The following EYS variants were observed in gnomAD, a reference collection of about 807,000 sequenced individuals.
EYS encodes the protein EGF-like photoreceptor maintenance factor.
Under a neutral mutation model 282.1 loss-of-function variants are expected in EYS, and 250 were observed. The ratio of observed to expected loss-of-function variants is 0.89; its 90% CI spans 0.80 to 0.98. The LOEUF is 0.98. Ranked by LOEUF, EYS falls within the 50% of genes least tolerant of loss-of-function variation. The pLI is 0.00. For synonymous variants in EYS, 1,355 were observed against 1,282.9 expected (o/e 1.06, Z -1.20); for missense variants, 4,016 against 3,709.0 (o/e 1.08, Z -2.15).
At chr6:65,173,138 T>A (rs1765144169) in intron 12 of EYS, among the ~76,000 whole-genome samples, 1 of 151,350 alleles carries the variant, frequency 6.6e-6, no homozygotes, top group Non-Finnish European at 1.5e-5. Context: ...GGCCTAAGAG[T>A]TGCAATGGAT....
intron 33 of EYS, among the ~76,000 whole-genome samples, chr6:64,057,396 A>T (rs200148225): frequency 0.019 from 2,877 of 149,906 alleles, 105 homozygotes; most frequent in African/African-American, 0.064. Context: ...TTTTTTTTTA[A>T]AAATAGAATG....
intron 2 of EYS, among the ~76,000 whole-genome samples, chr6:65,509,907 T>C (rs1766798576): frequency 2.0e-5 from 3 of 152,190 alleles, no homozygotes; most frequent in Admixed American, 2.0e-4. Flanking sequence ...CCTATCAGCA[T>C]CATTCTGCCT....
chr6:63,840,864 T>C (rs866322017), intron 36 of EYS, among the ~76,000 whole-genome samples: 28 of 152,188 alleles, frequency 1.8e-4, no homozygotes, highest in African/African-American at 6.5e-4. Context: ...TGAATTTATT[T>C]CTGGGGGAAT....
intron 5 of EYS, among the ~76,000 whole-genome samples, chr6:65,409,066 A>G (rs1447235421): frequency 6.6e-6 from 1 of 152,194 alleles, no homozygotes; most frequent in East Asian, 1.9e-4. Context: ...AGGGTTGAGG[A>G]ACATATATGA....
intron 35 of EYS, among the ~76,000 whole-genome samples, chr6:63,965,787 A>G (rs1473836108): frequency 6.6e-6 from 1 of 152,156 alleles, no homozygotes; most frequent in Non-Finnish European, 1.5e-5. Flanking sequence ...GGCTCATTAT[A>G]ACCAGTAGTT....
chr6:63,859,113 A>AG (rs772320030), intron 36 of EYS, among the ~76,000 whole-genome samples: 1 of 59,058 alleles, frequency 1.7e-5, no homozygotes, highest in African/African-American at 9.7e-5. Context: ...TTTTTTTTTA[A>AG]TAGCTGGGAT....
At chr6:64,852,287 G>A (rs1765910411) in intron 19 of EYS, among the ~76,000 whole-genome samples, 1 of 152,084 alleles carries the variant, frequency 6.6e-6, no homozygotes, top group Non-Finnish European at 1.5e-5. Context: ...AATCTGGGTG[G>A]GGACCATGTA....
chr6:65,289,049 G>A (rs58050121), intron 12 of EYS, among the ~76,000 whole-genome samples: 6,951 of 150,868 alleles, frequency 0.046, 218 homozygotes, highest in South Asian at 0.089. Context: ...AACAAATAGT[G>A]TTGGCATATA....
intron 28 of EYS, among the ~76,000 whole-genome samples, chr6:64,402,272 G>C (rs1232309417): frequency 1.3e-5 from 2 of 152,046 alleles, no homozygotes; most frequent in African/African-American, 4.8e-5. Context: ...TTATGTGATT[G>C]TATGATATTT....
At chr6:64,222,946 A>T (rs1416020022) in intron 31 of EYS, among the ~76,000 whole-genome samples, 1 of 151,632 alleles carries the variant, frequency 6.6e-6, no homozygotes, top group African/African-American at 2.4e-5. Flanking sequence ...TTTTCCTTTT[A>T]AAAAAAACTC....
intron 12 of EYS, among the ~76,000 whole-genome samples, chr6:65,109,851 T>C (rs1775161117): frequency 6.6e-6 from 1 of 152,066 alleles, no homozygotes; most frequent in African/African-American, 2.4e-5. Flanking sequence ...CTTCAGATAG[T>C]TGCTTATTGT....
intron 31 of EYS, among the ~76,000 whole-genome samples, chr6:64,100,095 G>C (rs1772775108): frequency 6.6e-6 from 1 of 151,952 alleles, no homozygotes; most frequent in South Asian, 2.1e-4. Flanking sequence ...GATATTTCTA[G>C]ACTGATATTT....
chr6:64,254,415 G>C (rs929541477), intron 30 of EYS, among the ~76,000 whole-genome samples: 1 of 152,058 alleles, frequency 6.6e-6, no homozygotes, highest in South Asian at 2.1e-4. Flanking sequence ...TGCCAGGAAA[G>C]CTGACCTATC....
At chr6:65,515,917 T>C (rs1203885211) in intron 2 of EYS, among the ~76,000 whole-genome samples, 1 of 151,826 alleles carries the variant, frequency 6.6e-6, no homozygotes, top group Non-Finnish European at 1.5e-5. Context: ...ATTGTGCACA[T>C]GTACCCTAAA....
At chr6:65,375,735 C>G (rs112834219) in intron 8 of EYS, among the ~76,000 whole-genome samples, 8,127 of 151,864 alleles carry the variant, frequency 0.054, 302 homozygotes, top group African/African-American at 0.1. Flanking sequence ...GAAGCATACA[C>G]AAGTATCAAT....
intron 11 of EYS, among the ~76,000 whole-genome samples, chr6:65,299,536 C>T (rs1364905350): frequency 1.3e-5 from 2 of 151,772 alleles, no homozygotes; most frequent in African/African-American, 2.4e-5. Context: ...AAATGCCAGG[C>T]GTTTTGGTTT....
In EYS at chr6:65,440,780, C is replaced by T. The variant is rs567796463; in HGVS notation, c.863-35413G>A. Among the ~76,000 whole-genome samples the T allele has an allele frequency of 2.0e-5, 3 of 149,672 alleles. No individual in the cohort carries two copies. The South Asian group carries it at 6.3e-4, about 31-fold the overall frequency. On this transcript the variant is annotated intron_variant, in intron 5 of 42. Coordinates refer to ENST00000503581, the MANE Select transcript of EYS (RefSeq NM_001142800.2). ...TAATAACATTAATTTATATTAATGT[C>T]TGCTTCACCAGGAATACAGTTTTAG...
chr6:64,226,243 T>G (rs532830464), intron 31 of EYS, among the ~76,000 whole-genome samples: 1 of 152,228 alleles, frequency 6.6e-6, no homozygotes, highest in East Asian at 1.9e-4. Context: ...GGCAGTCTAT[T>G]TTTTTAACAA....
intron 22 of EYS, among the ~76,000 whole-genome samples, chr6:64,652,550 A>G (rs1381689071): frequency 6.6e-6 from 1 of 152,188 alleles, no homozygotes; most frequent in Non-Finnish European, 1.5e-5. Flanking sequence ...TACAACCCCA[A>G]CAAACACTCT....
Sources: allele counts gnomAD v4.1 joint callset (sites outside exome capture counted in the v4.1 genomes callset), GRCh38; gene constraint gnomAD v4.1.1; transcripts MANE v1.5; gene names NCBI Gene and HGNC (gene_info 2026-07-23, HGNC 2026-07-21).